Variants in SCAI observed in about 807,000 individuals in gnomAD.
The protein encoded by SCAI is suppressor of cancer cell invasion, also known as protein SCAI.
Under a neutral mutation model 92.2 loss-of-function variants are expected in SCAI, and 24 were observed. That is an observed-to-expected ratio of 0.26 (90% confidence interval 0.19 to 0.37). The LOEUF (loss-of-function observed/expected upper bound fraction) is 0.37. Ranked by LOEUF, SCAI falls within the 10% of genes least tolerant of loss-of-function variation. SCAI has a pLI of 1.00. For missense variants in SCAI, 450 were observed against 736.2 expected (o/e 0.61, Z 4.50); for synonymous variants, 261 against 258.6 (o/e 1.01, Z -0.09).
At chr9:125,022,122 A>G (rs377447362) in intron 6 of SCAI, among the ~76,000 whole-genome samples, 1 of 152,176 alleles carries the variant, frequency 6.6e-6, no homozygotes, top group Non-Finnish European at 1.5e-5. Flanking sequence ...TGATATATAA[A>G]TTATTAGATA....
At chr9:124,990,338 A>C in intron 14 of SCAI, among the ~76,000 whole-genome samples, 1 of 151,800 alleles carries the variant, frequency 6.6e-6, no homozygotes, top group East Asian at 1.9e-4. Flanking sequence ...AAAACACAAA[A>C]ATCAGCCAGG....
intron 2 of SCAI, among the ~76,000 whole-genome samples, chr9:125,135,987 A>C (rs1276721886): frequency 4.1e-5 from 6 of 146,344 alleles, no homozygotes; most frequent in African/African-American, 7.6e-5. Flanking sequence ...AAAAAAAAAC[A>C]AAAAAAAAAC....
At chr9:125,043,647 G>T (rs558349336) in intron 3 of SCAI, among the ~76,000 whole-genome samples, 2 of 152,120 alleles carry the variant, frequency 1.3e-5, no homozygotes, top group Non-Finnish European at 2.9e-5. Context: ...TTGAGACAGG[G>T]TCTCACTCTG....
chr9:125,050,972 T>C (rs558540222), intron 3 of SCAI, among the ~76,000 whole-genome samples: 47 of 152,330 alleles, frequency 3.1e-4, no homozygotes, highest in East Asian at 1.9e-4. Flanking sequence ...AGAGAAGATA[T>C]ATAGTTTGCT....
At chr9:125,100,048 C>T (rs943742533) in intron 2 of SCAI, among the ~76,000 whole-genome samples, 31 of 152,354 alleles carry the variant, frequency 2.0e-4, no homozygotes, top group African/African-American at 6.5e-4. Context: ...TCTGGGCACA[C>T]GCCCAGAAGT....
intron 9 of SCAI, among the ~76,000 whole-genome samples, chr9:125,011,718 G>A (rs1490479478): frequency 6.6e-6 from 1 of 152,100 alleles, no homozygotes; most frequent in Non-Finnish European, 1.5e-5. Flanking sequence ...GCAACTCCAG[G>A]ACACATAATT....
At chr9:124,963,310 A>G (rs1424016494) in intron 17 of SCAI, among the ~76,000 whole-genome samples, 1 of 149,846 alleles carries the variant, frequency 6.7e-6, no homozygotes, top group Non-Finnish European at 1.5e-5. Flanking sequence ...TAATTTTTGT[A>G]TTTTTAGTAG....
chr9:124,987,716 C>T (rs944838337), intron 14 of SCAI, among the ~76,000 whole-genome samples: 39 of 152,098 alleles, frequency 2.6e-4, no homozygotes, highest in Admixed American at 2.6e-3. Flanking sequence ...AATCCCAACA[C>T]TTTGGGAGGC....
intron 2 of SCAI, among the ~76,000 whole-genome samples, chr9:125,115,370 CAAAA>C (rs58814200): frequency 9.5e-5 from 5 of 52,430 alleles, no homozygotes; most frequent in African/African-American, 1.5e-4. Context: ...AGACTCTCCT[CAAAA>C]AAAAAAAAAA....
At chr9:125,039,401 A>G (rs937851389) in intron 3 of SCAI, among the ~76,000 whole-genome samples, 116 of 150,832 alleles carry the variant, frequency 7.7e-4, no homozygotes, top group African/African-American at 1.7e-3. Flanking sequence ...AAAAAAAAAA[A>G]AAAGAAAAGA....
At chr9:124,958,380 GAAGAGAA>G (rs1447401880) in intron 17 of SCAI, among the ~76,000 whole-genome samples, 1 of 152,194 alleles carries the variant, frequency 6.6e-6, no homozygotes, top group Non-Finnish European at 1.5e-5. Context: ...TAGGTCAATG[GAAGAGAA>G]TTTAGAGTTC....
intron 14 of SCAI, among the ~76,000 whole-genome samples, chr9:124,979,932 C>T (rs1001776431): frequency 1.1e-4 from 16 of 151,860 alleles, no homozygotes; most frequent in Non-Finnish European, 7.4e-5. Context: ...TGCCTGTAGT[C>T]CCAGCTACTC....
chr9:125,133,335 A>C (rs1835444380), intron 2 of SCAI, among the ~76,000 whole-genome samples: 2 of 151,556 alleles, frequency 1.3e-5, no homozygotes, highest in South Asian at 4.2e-4. Context: ...GGTGCAGTGA[A>C]ATGAGATCAC....
At position 125,052,578 on chromosome 9, in the gene SCAI, G is replaced by A. The variant is rs537543904; in HGVS notation, c.230+3298C>T. Among the ~76,000 whole-genome samples, 4 of 151,312 alleles carry A rather than the reference G, an allele frequency of 2.6e-5. No homozygotes were observed. The South Asian group carries it at 6.3e-4, about 24-fold the overall frequency. On this transcript the variant is annotated intron_variant, in intron 3 of 17. Coordinates refer to ENST00000336505, the MANE Select transcript of SCAI (RefSeq NM_001144877.3). ...GGCGGAGGTTGCAGTGAGCAAGATC[G>A]CACCATCACACTCCAGCCTGGGGGA... is the stretch of plus-strand genomic sequence containing the variant.
At chr9:125,039,344 G>A (rs145932156) in intron 3 of SCAI, among the ~76,000 whole-genome samples, 22 of 140,256 alleles carry the variant, frequency 1.6e-4, no homozygotes, top group East Asian at 6.2e-4. Context: ...CCAAGATCAC[G>A]CCACTGCACT....
intron 2 of SCAI, among the ~76,000 whole-genome samples, chr9:125,087,684 T>G (rs985091016): frequency 2.0e-5 from 3 of 152,202 alleles, no homozygotes; most frequent in African/African-American, 7.2e-5. Context: ...CTTTGTAAAA[T>G]TAGTGCTCTT....
Position 125,074,896 on chromosome 9 carries a change from C to T in SCAI, c.99-18889G>A, listed in dbSNP as rs150520850. Among the ~76,000 whole-genome samples the T allele has an allele frequency of 2.7e-3, 413 of 151,836 alleles. 4 individuals carry two copies. Among genetic ancestry groups the T allele is most frequent in the African/African-American group, 8.8e-3 (365 of 41,430 alleles). ...GTGCATGCCTGTAATCCCAGCCACT[C>T]GGGAGGCTGAGGCAGGAGAATCGCT... On this transcript the variant is annotated intron_variant, in intron 2 of 17. Coordinates refer to ENST00000336505, the MANE Select transcript of SCAI (RefSeq NM_001144877.3).
intron 9 of SCAI, among the ~76,000 whole-genome samples, chr9:125,017,452 C>T (rs1228950287): frequency 1.3e-5 from 2 of 151,978 alleles, no homozygotes; most frequent in East Asian, 3.9e-4. Context: ...ACTATAATTT[C>T]AAAAACGTTG....
At chr9:125,068,413 T>C (rs185926086) in intron 2 of SCAI, among the ~76,000 whole-genome samples, 5 of 152,044 alleles carry the variant, frequency 3.3e-5, no homozygotes, top group African/African-American at 1.2e-4. Flanking sequence ...GGCAGGAGGA[T>C]CCCCTGAGCC....
Sources: gnomAD v4.1 joint callset for allele counts (sites outside exome capture counted in the v4.1 genomes callset) on GRCh38, gnomAD v4.1.1 for gene constraint, MANE v1.5 for transcripts, NCBI Gene and HGNC (gene_info 2026-07-23, HGNC 2026-07-21) for gene names.